ADAMTS3: variants seen among roughly 807,000 people sequenced by gnomAD.
ADAMTS3 encodes A disintegrin and metalloproteinase with thrombospondin motifs 3.
A neutral mutation model predicts 129.0 loss-of-function variants in ADAMTS3; 73 were observed. That is an observed-to-expected ratio of 0.57 (90% CI 0.47 to 0.69). The LOEUF (loss-of-function observed/expected upper bound fraction) is 0.69, where lower values mean the gene tolerates loss of function less well. Ranked by LOEUF, ADAMTS3 falls within the 30% of genes least tolerant of loss-of-function variation. The pLI is 0.00. For missense variants in ADAMTS3, 1,457 were observed against 1,514.5 expected, an observed-to-expected ratio of 0.96 and a Z score of 0.63; for synonymous variants, 477 against 510.8, an observed-to-expected ratio of 0.93 and a Z score of 0.89.
chr4:72,483,027 A>C (rs2110007840), intron 3 of ADAMTS3, among the ~76,000 whole-genome samples: 1 of 152,330 alleles, frequency 6.6e-6, no homozygotes, highest in Admixed American at 6.5e-5. Flanking sequence ...TGCTAATGAA[A>C]AACTTACAGC....
chr4:72,423,210 C>T (rs1386692645), intron 3 of ADAMTS3, among the ~76,000 whole-genome samples: 1 of 152,046 alleles, frequency 6.6e-6, no homozygotes, highest in Non-Finnish European at 1.5e-5. Flanking sequence ...GCAGCTGAAA[C>T]TAAATATTTA....
chr4:72,312,322 T>G lies in ADAMTS3; in HGVS notation c.1890A>C (p.Lys630Asn), dbSNP rs763362113. 6.2e-7 allele frequency: 1 copy of G among 1,613,598 alleles called. No individual in the cohort carries two copies. Among genetic ancestry groups the G allele is most frequent in the Non-Finnish European group, 8.5e-7 (1 of 1,179,696 alleles). The change falls in exon 13 of 22, where the codon AAA becomes AAC. Residue 630 changes from lysine (K) to asparagine (N), a missense_variant. Coordinates refer to ENST00000286657, the MANE Select transcript of ADAMTS3 (RefSeq NM_014243.3). Reference sequence around the variant, plus strand: ...GATGTTCATATGGCAACCAGTGGTGTTTGGTATTCTGGTATTCAAAGTGGG... The same window carrying G: ...GATGTTCATATGGCAACCAGTGGTGGTTGGTATTCTGGTATTCAAAGTGGG... ...RNSHFEYQNT[K>N]HHWLPYEHPD...
chr4:72,418,208 A>G (rs896469899), intron 3 of ADAMTS3, among the ~76,000 whole-genome samples: 7 of 152,078 alleles, frequency 4.6e-5, no homozygotes, highest in Non-Finnish European at 1.0e-4. Context: ...ACTCGAAATT[A>G]TCTAGTATCT....
At chr4:72,475,523 T>C (rs1290840693) in intron 3 of ADAMTS3, among the ~76,000 whole-genome samples, 1 of 151,856 alleles carries the variant, frequency 6.6e-6, no homozygotes, top group African/African-American at 2.4e-5. Flanking sequence ...CAAAAACTGA[T>C]AAAATTGAAA....
At chr4:72,480,554 G>A (rs1291376334) in intron 3 of ADAMTS3, among the ~76,000 whole-genome samples, 1 of 151,930 alleles carries the variant, frequency 6.6e-6, no homozygotes. Context: ...GTGGGGTCGG[G>A]GGACGGGGGA....
intron 4 of ADAMTS3, among the ~76,000 whole-genome samples, chr4:72,405,734 T>G (rs1456532985): frequency 4.6e-5 from 7 of 152,060 alleles, no homozygotes; most frequent in Non-Finnish European, 1.0e-4. Flanking sequence ...TAAACAGAAC[T>G]GGGAAGACAA....
chr4:72,508,930 C>G (rs1183244539), intron 3 of ADAMTS3, among the ~76,000 whole-genome samples: 2 of 152,034 alleles, frequency 1.3e-5, no homozygotes, highest in Non-Finnish European at 2.9e-5. Context: ...AGCATCTTCT[C>G]TAACCACAAT....
chr4:72,305,227 G>GA (rs969461065), intron 16 of ADAMTS3, among the ~76,000 whole-genome samples: 10 of 151,090 alleles, frequency 6.6e-5, no homozygotes, highest in African/African-American at 1.9e-4. Flanking sequence ...TCTCATAAAA[G>GA]AAAAAAAAAT....
chr4:72,315,962 A>C lies in ADAMTS3; in HGVS notation c.1495T>G (p.Phe499Val). 1 of 1,608,004 alleles carries C rather than the reference A, an allele frequency of 6.2e-7. No homozygotes were observed. The highest frequency in any genetic ancestry group is 8.5e-7 in the Non-Finnish European group (1 of 1,176,696). ...GYKMCTAFRT[F>V]DPCKQLWCSH... is the part of the protein sequence containing the mutation. ...CACCACAGCTGTTTACATGGGTCAA[A>C]GGTTCGGAACTGGAAGATAGATAAT... The change falls in exon 11 of 22, where the codon TTT becomes GTT. Residue 499 changes from phenylalanine to valine, a missense_variant. Phe to Val is a conservative substitution (Grantham distance 50). Transcript: ENST00000286657.
At chr4:72,419,037 T>C (rs1722378552) in intron 3 of ADAMTS3, among the ~76,000 whole-genome samples, 2 of 152,226 alleles carry the variant, frequency 1.3e-5, no homozygotes, top group African/African-American at 4.8e-5. Context: ...GGCTGGTTTT[T>C]ATTCTCCAGG....
At chr4:72,516,521 G>C (rs1259830537) in intron 3 of ADAMTS3, among the ~76,000 whole-genome samples, 1 of 152,062 alleles carries the variant, frequency 6.6e-6, no homozygotes, top group Non-Finnish European at 1.5e-5. Context: ...TTGAGCAGTG[G>C]TTTGTCGTTC....
At chr4:72,403,823 C>A (rs1054565045) in intron 4 of ADAMTS3, among the ~76,000 whole-genome samples, 1 of 151,972 alleles carries the variant, frequency 6.6e-6, no homozygotes, top group African/African-American at 2.4e-5. Context: ...ACTACAACAA[C>A]GTCAACCACA....
In ADAMTS3 at chr4:72,509,807, T is replaced by A. The variant is rs201961304; in HGVS notation, c.504+38671A>T. On this transcript the variant is annotated intron_variant, in intron 3 of 21. Coordinates refer to ENST00000286657, the MANE Select transcript of ADAMTS3 (RefSeq NM_014243.3). ...TTACCAAAACCAGACAAAGACACAT[T>A]AAAAAAAAAAAACTACAGGTGAGTA... Among the ~76,000 whole-genome samples the A allele has an allele frequency of 2.0e-5, 3 of 148,012 alleles. No homozygotes were observed. The Admixed American group carries it at 2.0e-4, about 10-fold the overall frequency.
At chr4:72,353,289 G>C (rs997488310) in intron 4 of ADAMTS3, among the ~76,000 whole-genome samples, 1 of 151,954 alleles carries the variant, frequency 6.6e-6, no homozygotes, top group Non-Finnish European at 1.5e-5. Context: ...TGCAGAAGTT[G>C]GAACTATAGT....
intron 5 of ADAMTS3, 92 bp downstream of exon 5, chr4:72,339,402 T>C (rs1350533711): frequency 1.1e-5 from 14 of 1,238,516 alleles, no homozygotes; most frequent in South Asian, 2.6e-5. Context: ...GGCACAGTCA[T>C]GGAAGTTCTC....
intron 3 of ADAMTS3, among the ~76,000 whole-genome samples, chr4:72,419,727 T>G (rs941981932): frequency 1.3e-5 from 2 of 152,100 alleles, no homozygotes; most frequent in East Asian, 3.9e-4. Flanking sequence ...TGGACACCCC[T>G]GTAAGTACAA....
intron 3 of ADAMTS3, among the ~76,000 whole-genome samples, chr4:72,530,735 A>G (rs1336902153): frequency 3.8e-5 from 2 of 53,174 alleles, no homozygotes; most frequent in Non-Finnish European, 5.9e-5. Context: ...TACATTATAT[A>G]TTATATATAT....
intron 3 of ADAMTS3, among the ~76,000 whole-genome samples, chr4:72,446,274 A>G (rs534912320): frequency 6.6e-6 from 1 of 151,826 alleles, no homozygotes; most frequent in African/African-American, 2.4e-5. Context: ...AAAGTCTTGC[A>G]AACATCTTCT....
intron 3 of ADAMTS3, among the ~76,000 whole-genome samples, chr4:72,451,592 C>T (rs972658112): frequency 6.6e-6 from 1 of 151,734 alleles, no homozygotes; most frequent in Non-Finnish European, 1.5e-5. Flanking sequence ...TTTGTAACTA[C>T]AGACACAGAA....
Sources: allele counts gnomAD v4.1 joint callset (sites outside exome capture counted in the v4.1 genomes callset), GRCh38; gene constraint gnomAD v4.1.1; transcripts MANE v1.5; gene names NCBI Gene and HGNC (gene_info 2026-07-23, HGNC 2026-07-21).